POTEI: variants seen among roughly 807,000 people sequenced by gnomAD.
POTEI encodes the protein POTE ankyrin domain family, member I.
Under a neutral mutation model 43.4 loss-of-function variants are expected in POTEI, and 14 were observed. The observed-to-expected ratio is 0.32, with a 90% CI of 0.21 to 0.50. The LOEUF is 0.50. Ranked by LOEUF, POTEI falls within the 20% of genes least tolerant of loss-of-function variation. POTEI has a pLI of 0.98. For missense variants in POTEI, 235 were observed against 795.4 expected, an observed-to-expected ratio of 0.30 and a Z score of 8.47; for synonymous variants, 95 against 297.9, an observed-to-expected ratio of 0.32 and a Z score of 7.01.
intron 10 of POTEI, among the ~76,000 whole-genome samples, chr2:130,479,297 G>A (rs1683315651): frequency 6.6e-6 from 1 of 151,028 alleles, no homozygotes; most frequent in South Asian, 2.1e-4. Flanking sequence ...CAAAACAAGT[G>A]AAAAAGGCAT....
intron 13 of POTEI, among the ~76,000 whole-genome samples, chr2:130,468,338 T>C (rs1356839467): frequency 2.0e-5 from 3 of 151,800 alleles, no homozygotes; most frequent in Non-Finnish European, 2.9e-5. Flanking sequence ...CATATGTACA[T>C]AGCTGAGACT....
At chr2:130,491,836 G>T (rs1331164868) in intron 6 of POTEI, among the ~76,000 whole-genome samples, 1 of 57,726 alleles carries the variant, frequency 1.7e-5, no homozygotes, top group Admixed American at 2.2e-4. Context: ...CGTGTTTTTA[G>T]TAGAGACGGG....
At chr2:130,492,982 A>G (rs1573932170) in intron 6 of POTEI, among the ~76,000 whole-genome samples, 2 of 150,760 alleles carry the variant, frequency 1.3e-5, no homozygotes, top group African/African-American at 4.9e-5. Flanking sequence ...TATACAAAAA[A>G]CACTCTTTCT....
intron 10 of POTEI, among the ~76,000 whole-genome samples, chr2:130,477,640 C>T (rs1369947795): frequency 5.3e-4 from 74 of 138,636 alleles, no homozygotes; most frequent in African/African-American, 2.0e-3. Flanking sequence ...GAGTCTTGCA[C>T]ATCATCTTTG....
chr2:130,478,622 C>T (rs1470637352), intron 10 of POTEI, among the ~76,000 whole-genome samples: 2 of 132,094 alleles, frequency 1.5e-5, no homozygotes, highest in Non-Finnish European at 3.1e-5. Flanking sequence ...TGAAGCCAAG[C>T]AGGGCACTCT....
chr2:130,477,142 TTC>T (rs1227342001), intron 10 of POTEI, among the ~76,000 whole-genome samples: 1 of 151,564 alleles, frequency 6.6e-6, no homozygotes, highest in Non-Finnish European at 1.5e-5. Flanking sequence ...CAAATTTATT[TTC>T]TTTTTTTCTT....
chr2:130,508,990 A>T lies in POTEI; in HGVS notation c.246T>A (p.Thr82=), dbSNP rs1292467856. 6.6e-7 allele frequency: 1 copy of T among 1,515,320 alleles called. No individual in the cohort carries two copies. Among genetic ancestry groups the T allele is most frequent in the African/African-American group, 1.4e-5 (1 of 69,956 alleles). The allele number at this position is 1,515,320 out of a possible 1,614,324, so 93.9% of individuals were successfully genotyped here. Residue 82 remains threonine, a synonymous_variant, in exon 1 of 15, where the codon ACT becomes ACA. Coordinates refer to ENST00000451531, the MANE Select transcript of POTEI (RefSeq NM_001277406.2). ...TAGCGGAGTCGTCGTGGTCTCCAGA[A>T]GTGCCCACGTTGCTCTTGCCACTCC... ...CRGSGKSNVG[T]SGDHDDSAMK...
Position 130,460,446 on chromosome 2 carries a change from T to TA in POTEI, c.*2369dup. ...TAAGATGTGGCTGGTATGACCTCAG[T>TA]ATTCCTAAAGTGCTGGGATAAAGTG... is the stretch of plus-strand genomic sequence containing the variant. On this transcript the variant is annotated 3_prime_UTR_variant, in exon 15 of 15. Coordinates refer to ENST00000451531, the MANE Select transcript of POTEI (RefSeq NM_001277406.2). The TA allele has an allele frequency of 6.6e-6, 1 of 151,722 alleles. No homozygotes were observed. The highest frequency in any genetic ancestry group is 2.1e-4 in the South Asian group (1 of 4,788). 9.4% of individuals were successfully genotyped at this position (151,722 alleles called of 1,614,324 possible).
chr2:130,463,102 G>C lies in POTEI; in HGVS notation c.2942C>G (p.Ser981Cys). ...SCGIHETTFNSIMKSDVDIRK... is the reference protein window; with the variant it reads ...SCGIHETTFNCIMKSDVDIRK... ...GATGTCCACATCAGACTTCATGATG[G>C]AGTTGAAGGTAGTTTCATGGATGCC... Residue 981 changes from serine to cysteine, a missense_variant, in exon 15 of 15, where the codon TCC (serine) becomes TGC (cysteine). Ser to Cys is a moderately radical substitution (Grantham distance 112). Coordinates refer to ENST00000451531, the MANE Select transcript of POTEI (RefSeq NM_001277406.2). 6.7e-7 allele frequency: 1 copy of C among 1,492,372 alleles called. No homozygotes were observed. The highest frequency in any genetic ancestry group is 8.9e-7 in the Non-Finnish European group (1 of 1,126,292). 92.4% of individuals were successfully genotyped at this position (1,492,372 alleles called of 1,614,324 possible).
chr2:130,477,080 T>C (rs1683216827), intron 10 of POTEI, among the ~76,000 whole-genome samples: 1 of 150,716 alleles, frequency 6.6e-6, no homozygotes, highest in Admixed American at 6.6e-5. Flanking sequence ...GACACCTTTA[T>C]TAGTGTACAA....
intron 6 of POTEI, among the ~76,000 whole-genome samples, chr2:130,493,435 C>T (rs1391488671): frequency 4.3e-4 from 17 of 39,092 alleles, no homozygotes; most frequent in African/African-American, 1.1e-3. Flanking sequence ...TAGTAGGATG[C>T]GAGTTATAAA....
chr2:130,485,343 T>TA (rs1346725229), intron 9 of POTEI, among the ~76,000 whole-genome samples: 2 of 136,382 alleles, frequency 1.5e-5, no homozygotes, highest in African/African-American at 5.6e-5. Context: ...CTGTCTCTAC[T>TA]AAAAATACAA....
At chr2:130,468,706 G>GA (rs1682941540) in intron 13 of POTEI, among the ~76,000 whole-genome samples, 2 of 149,728 alleles carry the variant, frequency 1.3e-5, no homozygotes, top group African/African-American at 5.0e-5. Flanking sequence ...AAACTATTGG[G>GA]GGGGGGGGTA....
At chr2:130,480,121 C>T (rs1301140407) in intron 10 of POTEI, among the ~76,000 whole-genome samples, 960 of 40,546 alleles carry the variant, frequency 0.024, 30 homozygotes, top group African/African-American at 0.077. Flanking sequence ...TAGCCAACCA[C>T]GAAAGGAGAC....
rs1385616195 is a variant in POTEI, at chr2:130,506,130, A to T, written c.522-2236T>A. 3.5e-3 allele frequency among the ~76,000 whole-genome samples: 10 copies of T among 2,890 alleles called. 3 individuals are homozygous for T. Among genetic ancestry groups the T allele is most frequent in the African/African-American group, 3.8e-3 (10 of 2,622 alleles). 1.9% of individuals were successfully genotyped at this position (2,890 alleles called of 152,430 possible). A position where few individuals can be genotyped will look rare whatever the true frequency, so the allele number is the denominator to read the frequency against. On this transcript the variant is annotated intron_variant, in intron 1 of 14. Coordinates refer to ENST00000451531, the MANE Select transcript of POTEI (RefSeq NM_001277406.2). ...GTTCGTGTATATGTGTAACAAACTG[A>T]TTTTTTTCTCACTTGATATAGCAAA...
At position 130,461,187 on chromosome 2, in the gene POTEI, A is replaced by C. The variant is rs1280261303; in HGVS notation, c.*1629T>G. On this transcript the variant is annotated 3_prime_UTR_variant, in exon 15 of 15. Transcript: ENST00000451531. ...GAACAGGGACTTGCTTCAAAAAGAA[A>C]AGTCTGGCCACGTTTTTATAGAGCA... 6.6e-6 allele frequency: 1 copy of C among 151,480 alleles called. No individual in the cohort carries two copies. Among genetic ancestry groups the C allele is most frequent in the Non-Finnish European group, 1.5e-5 (1 of 67,994 alleles). 9.4% of individuals were successfully genotyped at this position (151,480 alleles called of 1,614,324 possible).
At chr2:130,482,695 G>C (rs1289760339) in intron 9 of POTEI, among the ~76,000 whole-genome samples, 1 of 148,920 alleles carries the variant, frequency 6.7e-6, no homozygotes, top group East Asian at 2.0e-4. Flanking sequence ...CTAATTCAGG[G>C]CATCTCAACT....
chr2:130,480,446 T>C (rs2105081105), intron 10 of POTEI, among the ~76,000 whole-genome samples: 1 of 151,120 alleles, frequency 6.6e-6, no homozygotes, highest in African/African-American at 2.4e-5. Context: ...TCAAGCATCT[T>C]GTCTTCTGCA....
At chr2:130,474,053 A>G (rs531572344) in intron 13 of POTEI, among the ~76,000 whole-genome samples, 95 of 147,170 alleles carry the variant, frequency 6.5e-4, no homozygotes, top group African/African-American at 2.2e-3. Flanking sequence ...TGGCTGGTGA[A>G]ATAATCTGTA....
Sources: gnomAD v4.1 joint callset for allele counts (sites outside exome capture counted in the v4.1 genomes callset) on GRCh38, gnomAD v4.1.1 for gene constraint, MANE v1.5 for transcripts, NCBI Gene and HGNC (gene_info 2026-07-23, HGNC 2026-07-21) for gene names.